The following PLD1 variants were observed in gnomAD, a reference collection of about 807,000 sequenced individuals.
PLD1 encodes phospholipase D1, also known as choline phosphatase 1.
In PLD1, 112 loss-of-function variants were observed where a neutral mutation model predicts 137.1. That is an observed-to-expected ratio of 0.82 (90% confidence interval 0.70 to 0.96). The LOEUF (loss-of-function observed/expected upper bound fraction) is 0.96, where lower values mean the gene tolerates loss of function less well. PLD1 is among the 40% of genes least tolerant of loss of function. The pLI, the probability that PLD1 is intolerant of heterozygous loss-of-function variation, is 0.00. For missense variants in PLD1, 1,321 were observed against 1,342.0 expected, an observed-to-expected ratio of 0.98 and a Z score of 0.24; for synonymous variants, 431 against 454.7, an observed-to-expected ratio of 0.95 and a Z score of 0.66.
intron 23 of PLD1, among the ~76,000 whole-genome samples, chr3:171,634,791 A>T (rs1395305680): frequency 6.6e-6 from 1 of 152,134 alleles, no homozygotes; most frequent in East Asian, 1.9e-4. Context: ...TTATACTACA[A>T]AATTCTCGTC....
In PLD1 at chr3:171,612,588, C is replaced by T. The variant is rs770209619; in HGVS notation, c.2729-156G>A. Among the ~76,000 whole-genome samples the T allele has an allele frequency of 4.6e-5, 7 of 152,110 alleles. No homozygotes were observed. Among genetic ancestry groups the T allele is most frequent in the Non-Finnish European group, 8.8e-5 (6 of 68,008 alleles). ...TTAGGGAGGTGGGGCCCTCCCTAAC[C>T]CAGGGGTGAATCTTAATCAGTCTAA... On this transcript the variant is annotated intron_variant, in intron 24 of 26. Transcript: ENST00000351298. This position sits in a 1 kb window ranked among gnomAD's most constrained non-coding sequence, Gnocchi z 4.1.
At chr3:171,646,942 C>G (rs1736276009) in intron 21 of PLD1, among the ~76,000 whole-genome samples, 1 of 152,170 alleles carries the variant, frequency 6.6e-6, no homozygotes, top group Admixed American at 6.5e-5. Flanking sequence ...CCAGTGAATC[C>G]CACTTCTTCT....
chr3:171,692,491 T>G (rs951414960), intron 12 of PLD1, 49 bp from the exon 13 acceptor site: 2 of 874,670 alleles, frequency 2.3e-6, no homozygotes, highest in African/African-American at 3.3e-5. Flanking sequence ...TGGAGGGAAG[T>G]TACAATTCAT....
intron 12 of PLD1, among the ~76,000 whole-genome samples, chr3:171,695,743 ACCC>A (rs1015672290): frequency 9.7e-5 from 7 of 71,810 alleles, no homozygotes; most frequent in Non-Finnish European, 2.1e-4. Flanking sequence ...AGCCCACCCC[ACCC>A]CCCCAACCCA....
chr3:171,740,844 G>A (rs1719726791), intron 1 of PLD1, among the ~76,000 whole-genome samples: 2 of 152,196 alleles, frequency 1.3e-5, no homozygotes, highest in Non-Finnish European at 2.9e-5. Flanking sequence ...CTACCTGGTA[G>A]GTATGATTAT....
intron 1 of PLD1, among the ~76,000 whole-genome samples, chr3:171,750,156 G>C (rs186048023): frequency 1.3e-5 from 2 of 151,700 alleles, no homozygotes; most frequent in East Asian, 3.8e-4. Context: ...ATTATTTAAA[G>C]TGACTATTAT....
In PLD1 at chr3:171,709,623, T is replaced by G. The variant is rs368280106; in HGVS notation, c.998A>C (p.Asn333Thr). The change falls in exon 10 of 27, where the codon AAC becomes ACC. Residue 333 changes from asparagine to threonine, a missense_variant. By Grantham distance (65) the Asn-to-Thr change is moderately conservative (BLOSUM62 0). Coordinates refer to ENST00000351298, the MANE Select transcript of PLD1 (RefSeq NM_002662.5). ...IEEFIQKHGT[N>T]FLKDHRFGSY... ...CCCAAATCGATGATCTTTGAGAAAG[T>G]TGGTGCCATGTTTCTGGATGAATTC... 3.7e-6 allele frequency: 6 copies of G among 1,613,918 alleles called. No homozygotes were observed. The highest frequency in any genetic ancestry group is 5.1e-6 in the Non-Finnish European group (6 of 1,179,780).
intron 23 of PLD1, among the ~76,000 whole-genome samples, chr3:171,622,771 G>A (rs1398103858): frequency 6.6e-6 from 1 of 150,902 alleles, no homozygotes; most frequent in African/African-American, 2.4e-5. Flanking sequence ...ATCTTCACTT[G>A]CAGATACTGT....
intron 1 of PLD1, among the ~76,000 whole-genome samples, chr3:171,773,362 G>C (rs1434186944): frequency 1.3e-5 from 2 of 152,192 alleles, no homozygotes; most frequent in Admixed American, 6.5e-5. Context: ...GGGAGGCCGA[G>C]GCGGGTGGAT....
chr3:171,657,615 C>T lies in PLD1; in HGVS notation c.2429+1598G>A, dbSNP rs117886048. ...CAACAAAAGAATAAAAAGTTGGGCC[C>T]CTAACTCACCCCATATATAAAAAGT... On this transcript the variant is annotated intron_variant, in intron 21 of 26. Coordinates refer to ENST00000351298, the MANE Select transcript of PLD1 (RefSeq NM_002662.5). Among the ~76,000 whole-genome samples, 5 of 152,192 alleles carry T rather than the reference C, an allele frequency of 3.3e-5. No homozygotes were observed. The East Asian group carries it at 5.8e-4, about 18-fold the overall frequency.
At chr3:171,789,535 T>C (rs1723140781) in intron 1 of PLD1, 1 of 152,170 alleles carries the variant, frequency 6.6e-6, no homozygotes, top group Admixed American at 6.5e-5. Flanking sequence ...AGTGGGAATA[T>C]CTGTATACAA....
intron 19 of PLD1, among the ~76,000 whole-genome samples, chr3:171,670,797 A>G (rs1712664595): frequency 6.6e-6 from 1 of 152,216 alleles, no homozygotes; most frequent in South Asian, 2.1e-4. Context: ...CAAGGTAAAA[A>G]TTCTGAGCAA....
chr3:171,775,331 G>T (rs1722551923), intron 1 of PLD1, among the ~76,000 whole-genome samples: 1 of 151,764 alleles, frequency 6.6e-6, no homozygotes, highest in Non-Finnish European at 1.5e-5. Context: ...GGTAAGTAAT[G>T]CATTTTAATA....
intron 1 of PLD1, among the ~76,000 whole-genome samples, chr3:171,780,629 TAGAG>T (rs1327833619): frequency 1.5e-4 from 23 of 151,928 alleles, no homozygotes; most frequent in Admixed American, 1.5e-3. Context: ...GCGTCAATGA[TAGAG>T]AGATCAATTA....
chr3:171,744,472 T>C (rs912851158), intron 1 of PLD1, among the ~76,000 whole-genome samples: 1 of 152,140 alleles, frequency 6.6e-6, no homozygotes, highest in African/African-American at 2.4e-5. Flanking sequence ...CCACATCTAG[T>C]CTGATCTCAG....
At chr3:171,777,512 C>T (rs1424863626) in intron 1 of PLD1, among the ~76,000 whole-genome samples, 2 of 152,200 alleles carry the variant, frequency 1.3e-5, no homozygotes, top group Non-Finnish European at 2.9e-5. Flanking sequence ...TTCCTACTGC[C>T]CTAGCAGTTC....
chr3:171,610,157 G>T (rs1326946112), intron 25 of PLD1, among the ~76,000 whole-genome samples: 2 of 151,952 alleles, frequency 1.3e-5, no homozygotes, highest in Non-Finnish European at 2.9e-5. Flanking sequence ...CAATAAAGAA[G>T]GTGAACAAGA....
intron 25 of PLD1, chr3:171,611,441 G>T (rs1041047919): frequency 5.5e-6 from 2 of 362,254 alleles, no homozygotes; most frequent in African/African-American, 4.2e-5. Context: ...CACAACAGGG[G>T]ACGTGGACAG....
intron 16 of PLD1, among the ~76,000 whole-genome samples, chr3:171,682,142 AAG>A (rs1207121279): frequency 4.1e-5 from 4 of 97,218 alleles, no homozygotes; most frequent in East Asian, 2.4e-4. Context: ...GAAAGAAAGA[AAG>A]AAAGAAAGAA....
Sources: gnomAD v4.1 joint callset for allele counts (sites outside exome capture counted in the v4.1 genomes callset) on GRCh38, gnomAD v4.1.1 for gene constraint, Gnocchi (gnomAD v3.1) non-coding constraint, MANE v1.5 for transcripts, NCBI Gene and HGNC (gene_info 2026-07-23, HGNC 2026-07-21) for gene names.